Variants in COG5 observed in about 807,000 individuals in gnomAD.
COG5 encodes the protein conserved oligomeric Golgi complex subunit 5.
A neutral mutation model predicts 110.4 loss-of-function variants in COG5; 86 were observed. The ratio of observed to expected loss-of-function variants is 0.78; its 90% CI spans 0.65 to 0.93. The LOEUF (loss-of-function observed/expected upper bound fraction) is 0.93. COG5 is among the 40% of genes least tolerant of loss of function. COG5 has a pLI of 0.00. For synonymous variants in COG5, 360 were observed against 334.6 expected, an observed-to-expected ratio of 1.08 and a Z score of -0.83; for missense variants, 1,077 against 987.0, an observed-to-expected ratio of 1.09 and a Z score of -1.22.
At chr7:107,230,722 A>C in intron 18 of COG5, 31 bp from the exon 19 acceptor site, 1 of 1,503,854 alleles carries the variant, frequency 6.6e-7, no homozygotes. Flanking sequence ...CCATTGTTGT[A>C]ATGTCAGAAT....
chr7:107,516,573 C>A lies in COG5; in HGVS notation c.538+10664G>T, dbSNP rs542301312. Among the ~76,000 whole-genome samples the A allele has an allele frequency of 1.1e-4, 17 of 152,310 alleles. No homozygotes were observed. The East Asian group carries it at 3.1e-3, about 28-fold the overall frequency. On this transcript the variant is annotated intron_variant, in intron 6 of 21. Coordinates refer to ENST00000297135, the MANE Select transcript of COG5 (RefSeq NM_006348.5). Reference sequence around the variant, plus strand: ...AAATCTTCTATGTTTCTGGGAGAGACCTCCCAACAGGAGTTGACAGACACC... The same window carrying A: ...AAATCTTCTATGTTTCTGGGAGAGAACTCCCAACAGGAGTTGACAGACACC...
At chr7:107,219,333 G>A (rs1431911791) in intron 19 of COG5, among the ~76,000 whole-genome samples, 2 of 152,096 alleles carry the variant, frequency 1.3e-5, no homozygotes, top group Non-Finnish European at 2.9e-5. Flanking sequence ...AACCCCACTT[G>A]AGTACATATC....
intron 12 of COG5, 81 bp from the exon 13 acceptor site, chr7:107,283,813 T>TA (rs1805391807): frequency 4.1e-6 from 4 of 971,394 alleles, no homozygotes. Flanking sequence ...AATACCTTTT[T>TA]AAAAAATGCA....
intron 11 of COG5, among the ~76,000 whole-genome samples, chr7:107,305,390 A>T (rs1584651280): frequency 6.6e-6 from 1 of 152,026 alleles, no homozygotes. Context: ...CACCTATATC[A>T]CCCAGATTAT....
At chr7:107,496,667 ACAAAAAAC>A (rs1445775424) in intron 6 of COG5, among the ~76,000 whole-genome samples, 6 of 150,790 alleles carry the variant, frequency 4.0e-5, no homozygotes, top group South Asian at 2.1e-4. Flanking sequence ...CAAAAAAAAA[ACAAAAAAC>A]AAAAAACAAA....
chr7:107,317,592 T>C (rs74745121), intron 11 of COG5, among the ~76,000 whole-genome samples: 24,692 of 152,192 alleles, frequency 0.16, 2,384 homozygotes, highest in Non-Finnish European at 0.22. Context: ...AAATAGCAGA[T>C]TATTACTGCT....
At chr7:107,490,596 A>T (rs1425874592) in intron 6 of COG5, among the ~76,000 whole-genome samples, 1 of 152,184 alleles carries the variant, frequency 6.6e-6, no homozygotes, top group Non-Finnish European at 1.5e-5. Flanking sequence ...ATTTCTAAAG[A>T]AAGAAAACAG....
At chr7:107,226,626 G>A (rs993183170) in intron 19 of COG5, among the ~76,000 whole-genome samples, 1 of 152,186 alleles carries the variant, frequency 6.6e-6, no homozygotes, top group Non-Finnish European at 1.5e-5. Flanking sequence ...CAACAATGGT[G>A]CGGGGCAGAG....
At chr7:107,390,553 C>A (rs925242490) in intron 7 of COG5, among the ~76,000 whole-genome samples, 2 of 151,836 alleles carry the variant, frequency 1.3e-5, no homozygotes, top group Non-Finnish European at 2.9e-5. Context: ...GGGAACCTTT[C>A]ATGACAATTT....
intron 12 of COG5, among the ~76,000 whole-genome samples, chr7:107,295,058 CACACACACATATATATATAT>C (rs1806580477): frequency 3.2e-5 from 2 of 62,110 alleles, no homozygotes; most frequent in African/African-American, 1.2e-4. Context: ...CACACACACA[CACACACACATATATATATAT>C]ATATATATAT....
At position 107,411,935 on chromosome 7, in the gene COG5, T is replaced by G. The variant is rs919823252; in HGVS notation, c.669+567A>C. On this transcript the variant is annotated intron_variant, in intron 7 of 21. Coordinates refer to ENST00000297135, the MANE Select transcript of COG5 (RefSeq NM_006348.5). Reference sequence around the variant, plus strand: ...GTTGAATCTAATACATCAATACCTTTGAATTTCTTCCAATTCAGAAAATTA... The same window carrying G: ...GTTGAATCTAATACATCAATACCTTGGAATTTCTTCCAATTCAGAAAATTA... Among the ~76,000 whole-genome samples, 4 of 152,154 alleles carry G rather than the reference T, an allele frequency of 2.6e-5. No homozygotes were observed. In the East Asian group the frequency reaches 7.7e-4, roughly 29 times the overall value.
chr7:107,262,229 G>C (rs918652073), intron 14 of COG5, among the ~76,000 whole-genome samples: 1 of 152,054 alleles, frequency 6.6e-6, no homozygotes, highest in Non-Finnish European at 1.5e-5. Flanking sequence ...GTAACCCCTT[G>C]AGACCTCCCA....
chr7:107,245,534 A>G (rs575755783), intron 17 of COG5, among the ~76,000 whole-genome samples: 101 of 152,362 alleles, frequency 6.6e-4, no homozygotes, highest in African/African-American at 2.4e-3. Flanking sequence ...TACAAAATCA[A>G]TGCACAAAAA....
intron 17 of COG5, among the ~76,000 whole-genome samples, chr7:107,245,457 A>C (rs909336057): frequency 2.6e-5 from 4 of 152,222 alleles, no homozygotes; most frequent in Non-Finnish European, 5.9e-5. Flanking sequence ...TTCTATATCT[A>C]GAAAACCCCA....
intron 6 of COG5, among the ~76,000 whole-genome samples, chr7:107,457,696 C>A (rs1441522705): frequency 6.6e-6 from 1 of 152,146 alleles, no homozygotes; most frequent in Non-Finnish European, 1.5e-5. Context: ...TCCCAAAGTG[C>A]TGGGATTACA....
intron 5 of COG5, among the ~76,000 whole-genome samples, chr7:107,528,930 CAT>C (rs754663325): frequency 2.0e-5 from 3 of 148,516 alleles, no homozygotes; most frequent in Non-Finnish European, 4.4e-5. Flanking sequence ...ATAAAACAAA[CAT>C]ATATTTACAA....
At chr7:107,260,428 GGAGT>G (rs2116640355) in intron 14 of COG5, among the ~76,000 whole-genome samples, 1 of 152,246 alleles carries the variant, frequency 6.6e-6, no homozygotes, top group African/African-American at 2.4e-5. Context: ...GGGTATATGA[GGAGT>G]GAGTGCTAAC....
chr7:107,218,428 A>G (rs573108937), intron 19 of COG5, among the ~76,000 whole-genome samples: 5 of 152,258 alleles, frequency 3.3e-5, no homozygotes, highest in African/African-American at 1.2e-4. Context: ...AGCTGGAGGT[A>G]TCACTACCTA....
intron 5 of COG5, among the ~76,000 whole-genome samples, chr7:107,527,998 T>C (rs1800895261): frequency 6.6e-6 from 1 of 152,202 alleles, no homozygotes; most frequent in Non-Finnish European, 1.5e-5. Context: ...CTCAGCTTCC[T>C]ACTACTGCCT....
Sources: gnomAD v4.1 joint callset for allele counts (sites outside exome capture counted in the v4.1 genomes callset) on GRCh38, gnomAD v4.1.1 for gene constraint, MANE v1.5 for transcripts, NCBI Gene and HGNC (gene_info 2026-07-23, HGNC 2026-07-21) for gene names.